Variants in TNFAIP3 observed in about 807,000 individuals in gnomAD.
TNFAIP3 encodes TNF alpha induced protein 3.
TNFAIP3 carries 9 observed loss-of-function variants against 72.4 expected under a neutral mutation model. The ratio of observed to expected loss-of-function variants is 0.12; its 90% CI spans 0.07 to 0.22. TNFAIP3 has a LOEUF of 0.22. Ranked by LOEUF, TNFAIP3 falls within the 10% of genes least tolerant of loss-of-function variation. The probability of loss-of-function intolerance (pLI) is 1.00; values close to 1 mark genes in which losing one functional copy is unlikely to be tolerated. For missense variants in TNFAIP3, 833 were observed against 1,018.7 expected, an observed-to-expected ratio of 0.82 and a Z score of 2.48; for synonymous variants, 339 against 372.6, an observed-to-expected ratio of 0.91 and a Z score of 1.04.
At chr6:137,868,891 G>A (rs1430099205) in intron 1 of TNFAIP3, among the ~76,000 whole-genome samples, 1 of 152,150 alleles carries the variant, frequency 6.6e-6, no homozygotes, top group African/African-American at 2.4e-5. Flanking sequence ...TGGCGTATCC[G>A]ATATTGACAT....
At chr6:137,873,254 T>C (rs1776122937) in intron 2 of TNFAIP3, among the ~76,000 whole-genome samples, 1 of 152,162 alleles carries the variant, frequency 6.6e-6, no homozygotes, top group Admixed American at 6.5e-5. Flanking sequence ...CTTCCCCTGA[T>C]AGGAGGGTTC....
chr6:137,880,891 C>T (rs1776428656), intron 8 of TNFAIP3, 144 bp from the exon 9 acceptor site: 3 of 819,324 alleles, frequency 3.7e-6, no homozygotes, highest in Admixed American at 2.9e-5. Context: ...TCATAGACTG[C>T]AATGCTCTCC....
chr6:137,871,795 A>T lies in TNFAIP3; in HGVS notation c.295+273A>T, dbSNP rs1395964756. On this transcript the variant is annotated intron_variant, in intron 2 of 8. Transcript: ENST00000612899. This position sits in a 1 kb window ranked among gnomAD's most constrained non-coding sequence, Gnocchi z 4.2. ...GTAAACACCATACCTCCATTAGGTG[A>T]TTTCTTTCTAATTCTTGCAAATGTC... Among the ~76,000 whole-genome samples, 3 of 152,166 alleles carry T rather than the reference A, an allele frequency of 2.0e-5. No individual in the cohort carries two copies. The highest frequency in any genetic ancestry group is 1.3e-4 in the Admixed American group (2 of 15,288).
chr6:137,881,520 G>A lies in TNFAIP3; in HGVS notation c.*201G>A, dbSNP rs1392289333. 6.2e-6 allele frequency: 3 copies of A among 484,114 alleles called. No individual in the cohort carries two copies. Among genetic ancestry groups the A allele is most frequent in the Non-Finnish European group, 1.1e-5 (3 of 277,098 alleles). 30.0% of individuals were successfully genotyped at this position (484,114 alleles called of 1,614,324 possible). On this transcript the variant is annotated 3_prime_UTR_variant, in exon 9 of 9. Transcript: ENST00000612899. The surrounding 1 kb of genome is among the most constrained non-coding windows in gnomAD (Gnocchi z 5.0). Reference sequence around the variant, plus strand: ...GAGTGTTCCCAGGTGGCCTTAGAAAGCAAAGCTTGTAACTGGCAAGGGATG... The same window carrying A: ...GAGTGTTCCCAGGTGGCCTTAGAAAACAAAGCTTGTAACTGGCAAGGGATG...
chr6:137,880,094 G>A lies in TNFAIP3; in HGVS notation c.1930G>A (p.Val644Ile). Residue 644 changes from valine (V) to isoleucine (I), a missense_variant, in exon 8 of 9, where the codon GTC (valine) becomes ATC (isoleucine). Val to Ile is a conservative substitution (Grantham distance 29). Transcript: ENST00000612899. The stretch of plus-strand genomic sequence containing the variant: ...AGATTTTGCTGCTGCCTCAGGGAAA[G>A]TCAGTCCCACAGCGTCCAGGTTCCA... ...NKHFAAASGK[V>I]SPTASRFQNT... 6.2e-7 allele frequency: 1 copy of A among 1,614,162 alleles called. No homozygotes were observed. The highest frequency in any genetic ancestry group is 8.5e-7 in the Non-Finnish European group (1 of 1,180,024).
chr6:137,881,241 C>G lies in TNFAIP3; in HGVS notation c.2295C>G (p.Pro765=). The change falls in exon 9 of 9, where the codon CCC becomes CCG. Residue 765 remains proline (P), a synonymous_variant. Coordinates refer to ENST00000612899, the MANE Select transcript of TNFAIP3 (RefSeq NM_001270508.2). The surrounding 1 kb of genome is among the most constrained non-coding windows in gnomAD (Gnocchi z 5.0). The part of the protein sequence containing the change: ...EDPPKQRCRA[P]ACDHFGNAKC... ...CCCCCAAGCAGCGTTGCCGGGCCCCCGCCTGTGATCATTTTGGCAATGCCA... is the reference window on the plus strand; with the variant it reads ...CCCCCAAGCAGCGTTGCCGGGCCCCGGCCTGTGATCATTTTGGCAATGCCA... 1 of 1,601,278 alleles carries G rather than the reference C, an allele frequency of 6.2e-7. No homozygotes were observed. The highest frequency in any genetic ancestry group is 1.1e-5 in the South Asian group (1 of 90,110).
In TNFAIP3 at chr6:137,874,889, G is replaced by A. The variant is rs988097767; in HGVS notation, c.340G>A (p.Gly114Ser). 1.7e-5 allele frequency: 28 copies of A among 1,614,000 alleles called. No individual in the cohort carries two copies. The highest frequency in any genetic ancestry group is 2.1e-5 in the Non-Finnish European group (25 of 1,180,028). ...LMHATSQYMW[G>S]VQDTDLVLRK... ...GCATGCCACTTCTCAGTACATGTGG[G>A]GCGTTCAGGACACAGACTTGGTACT... Residue 114 changes from glycine (G) to serine (S), a missense_variant, in exon 3 of 9, where the codon GGC (glycine) becomes AGC (serine). Gly to Ser is a moderately conservative substitution (Grantham distance 56, BLOSUM62 0). Transcript: ENST00000612899.
intron 3 of TNFAIP3, among the ~76,000 whole-genome samples, chr6:137,875,279 T>C (rs1776207392): frequency 1.3e-5 from 2 of 152,378 alleles, no homozygotes; most frequent in South Asian, 4.1e-4. Flanking sequence ...CTTTTGATCA[T>C]GGCCTTTTCC....
intron 1 of TNFAIP3, among the ~76,000 whole-genome samples, chr6:137,870,617 GGCTAAA>G: frequency 6.6e-6 from 1 of 152,262 alleles, no homozygotes; most frequent in East Asian, 1.9e-4. Flanking sequence ...TTCTCTTTGG[GGCTAAA>G]GAGGAAACAC....
At position 137,879,197 on chromosome 6, in the gene TNFAIP3, C is replaced by T. The variant is rs752496543; in HGVS notation, c.1752C>T (p.Asn584=). The change falls in exon 7 of 9, where the codon AAC becomes AAT. Residue 584 remains asparagine, a synonymous_variant. Transcript: ENST00000612899. ...CGCATTCTTGCCACAGAGCTGGAAA[C>T]GACGCCCCTGCTGGCTGCCTGTCTC... The part of the protein sequence containing the change: ...PSPHSCHRAG[N]DAPAGCLSQA... 2 of 1,614,152 alleles carry T rather than the reference C, an allele frequency of 1.2e-6. No individual in the cohort carries two copies. Among genetic ancestry groups the T allele is most frequent in the Non-Finnish European group, 8.5e-7 (1 of 1,180,032 alleles).
chr6:137,873,709 C>A (rs911077391), intron 2 of TNFAIP3, among the ~76,000 whole-genome samples: 3 of 152,148 alleles, frequency 2.0e-5, no homozygotes, highest in Non-Finnish European at 2.9e-5. Context: ...TACACGTCTG[C>A]CAAGACACAA....
chr6:137,875,564 C>T lies in TNFAIP3; in HGVS notation c.487-124C>T, dbSNP rs574995678. On this transcript the variant is annotated intron_variant, in intron 3 of 8. Coordinates refer to ENST00000612899, the MANE Select transcript of TNFAIP3 (RefSeq NM_001270508.2). ...AGGGTGATCATTTGAATGATGGTTT[C>T]ATGAAAGGGGAAAAAATAAGCTGAG... 9.7e-6 allele frequency: 12 copies of T among 1,239,694 alleles called. No homozygotes were observed. The African/African-American group carries it at 1.4e-4, about 14-fold the overall frequency. The allele number at this position is 1,239,694 out of a possible 1,614,324, so 76.8% of individuals were successfully genotyped here. A position where few individuals can be genotyped will look rare whatever the true frequency, so the allele number is the denominator to read the frequency against.
rs1478503244 is a variant in TNFAIP3, at chr6:137,871,704, T to G, written c.295+182T>G. On this transcript the variant is annotated intron_variant, in intron 2 of 8. Transcript: ENST00000612899. This position sits in a 1 kb window ranked among gnomAD's most constrained non-coding sequence, Gnocchi z 4.2. ...TAATAGCAGACTTGTTTTGTGAATC[T>G]ATTTATTAAGGATATTTTCTGATTG... Among the ~76,000 whole-genome samples the G allele has an allele frequency of 6.6e-6, 1 of 152,218 alleles. No homozygotes were observed. Among genetic ancestry groups the G allele is most frequent in the Non-Finnish European group, 1.5e-5 (1 of 68,036 alleles).
At position 137,867,388 on chromosome 6, in the gene TNFAIP3, C is replaced by T. The variant is rs1775872877; in HGVS notation, c.-170C>T. 1 of 152,658 alleles carries T rather than the reference C, an allele frequency of 6.6e-6. No individual in the cohort carries two copies. The allele number at this position is 152,658 out of a possible 1,614,324, so 9.5% of individuals were successfully genotyped here. A position where few individuals can be genotyped will look rare whatever the true frequency, so the allele number is the denominator to read the frequency against. On this transcript the variant is annotated 5_prime_UTR_variant, in exon 1 of 9. Transcript: ENST00000612899. The surrounding 1 kb of genome is among the most constrained non-coding windows in gnomAD (Gnocchi z 6.0). ...GCGAGCGAGCCCGACCCCAGGCGTC[C>T]ATGGAGCGTCGCCTCCGCCCGGTCC...
chr6:137,881,590 G>C lies in TNFAIP3; in HGVS notation c.*271G>C, dbSNP rs970810939. 2 of 393,048 alleles carry C rather than the reference G, an allele frequency of 5.1e-6. No individual in the cohort carries two copies. The highest frequency in any genetic ancestry group is 8.6e-5 in the Admixed American group (2 of 23,390). 24.3% of individuals were successfully genotyped at this position (393,048 alleles called of 1,614,324 possible). A position where few individuals can be genotyped will look rare whatever the true frequency, so the allele number is the denominator to read the frequency against. On this transcript the variant is annotated 3_prime_UTR_variant, in exon 9 of 9. Coordinates refer to ENST00000612899, the MANE Select transcript of TNFAIP3 (RefSeq NM_001270508.2). This position sits in a 1 kb window ranked among gnomAD's most constrained non-coding sequence, Gnocchi z 5.0. Reference sequence around the variant, plus strand: ...GTTCCTCCTCTCCTACCAAGCAGGAGGCCAGGAACTTCTTTGGACTTGGAA... The same window carrying C: ...GTTCCTCCTCTCCTACCAAGCAGGACGCCAGGAACTTCTTTGGACTTGGAA...
At chr6:137,872,914 G>A in intron 2 of TNFAIP3, among the ~76,000 whole-genome samples, 1 of 151,806 alleles carries the variant, frequency 6.6e-6, no homozygotes, top group East Asian at 1.9e-4. Context: ...CTTATTAAGA[G>A]AATTAACTGA....
intron 1 of TNFAIP3, chr6:137,868,378 A>G (rs5029926): frequency 0.19 from 29,141 of 152,198 alleles, 5,022 homozygotes; most frequent in African/African-American, 0.47. Context: ...AATTAAAGGG[A>G]CTTCTGGACC....
intron 1 of TNFAIP3, among the ~76,000 whole-genome samples, chr6:137,868,803 A>G (rs1167908067): frequency 6.6e-6 from 1 of 152,158 alleles, no homozygotes; most frequent in African/African-American, 2.4e-5. Flanking sequence ...AGACCTGGAA[A>G]TCTGGGCAGT....
At position 137,880,166 on chromosome 6, in the gene TNFAIP3, A is replaced by G. The variant is rs1776400233; in HGVS notation, c.2002A>G (p.Thr668Ala). 1 of 1,614,198 alleles carries G rather than the reference A, an allele frequency of 6.2e-7. No individual in the cohort carries two copies. Among genetic ancestry groups the G allele is most frequent in the Non-Finnish European group, 8.5e-7 (1 of 1,180,036 alleles). The change falls in exon 8 of 9, where the codon ACC becomes GCC. Residue 668 changes from threonine (T) to alanine (A), a missense_variant. Coordinates refer to ENST00000612899, the MANE Select transcript of TNFAIP3 (RefSeq NM_001270508.2). ...GAGGGAATGCGGCACCCTTGGAAGC[A>G]CCATGTTTGAAGGATACTGCCAGAA... ...LGRECGTLGS[T>A]MFEGYCQKCF...
Sources: gnomAD v4.1 joint callset for allele counts (sites outside exome capture counted in the v4.1 genomes callset) on GRCh38, gnomAD v4.1.1 for gene constraint, Gnocchi (gnomAD v3.1) non-coding constraint, MANE v1.5 for transcripts, NCBI Gene and HGNC (gene_info 2026-07-23, HGNC 2026-07-21) for gene names.